The following GPC5 variants were observed in gnomAD, a reference collection of about 807,000 sequenced individuals.
GPC5 encodes the protein glypican 5.
Under a neutral mutation model 53.9 loss-of-function variants are expected in GPC5, and 47 were observed. The ratio of observed to expected loss-of-function variants is 0.87; its 90% CI spans 0.69 to 1.11. The LOEUF is 1.11. GPC5 is among the 50% of genes most tolerant of loss of function. The pLI is 0.00. For synonymous variants in GPC5, 286 were observed against 263.3 expected, an observed-to-expected ratio of 1.09 and a Z score of -0.84; for missense variants, 748 against 713.1, an observed-to-expected ratio of 1.05 and a Z score of -0.56.
intron 7 of GPC5, among the ~76,000 whole-genome samples, chr13:92,372,913 A>G (rs2043662930): frequency 6.6e-6 from 1 of 152,208 alleles, no homozygotes; most frequent in African/African-American, 2.4e-5. Flanking sequence ...AAATAACTCC[A>G]TTATTACAAC....
At chr13:91,725,210 A>T (rs1460607204) in intron 3 of GPC5, 1 of 152,288 alleles carries the variant, frequency 6.6e-6, no homozygotes, top group Non-Finnish European at 1.5e-5. Flanking sequence ...CCTGGGAAGG[A>T]ACTGAAAACC....
At chr13:92,207,230 G>A (rs1225716068) in intron 7 of GPC5, among the ~76,000 whole-genome samples, 1 of 152,140 alleles carries the variant, frequency 6.6e-6, no homozygotes, top group Non-Finnish European at 1.5e-5. Context: ...AAAGCTGGTG[G>A]ATTGTCTTGA....
chr13:91,695,513 A>G (rs1210001778), intron 3 of GPC5, among the ~76,000 whole-genome samples: 2 of 152,074 alleles, frequency 1.3e-5, no homozygotes, highest in Non-Finnish European at 2.9e-5. Context: ...AGCTGGGACT[A>G]CAGGTGCCCA....
chr13:91,768,976 G>A (rs191967369), intron 5 of GPC5, among the ~76,000 whole-genome samples: 2 of 152,278 alleles, frequency 1.3e-5, no homozygotes, highest in Non-Finnish European at 2.9e-5. Flanking sequence ...TAGTGTATTA[G>A]TCATTGCTGT....
intron 5 of GPC5, among the ~76,000 whole-genome samples, chr13:91,876,771 C>G (rs2138941592): frequency 6.6e-6 from 1 of 152,294 alleles, no homozygotes; most frequent in Admixed American, 6.5e-5. Context: ...AGCAAGGAGC[C>G]TAATGTTAAT....
At chr13:92,820,300 T>C (rs1026572772) in intron 7 of GPC5, among the ~76,000 whole-genome samples, 2 of 152,174 alleles carry the variant, frequency 1.3e-5, no homozygotes, top group African/African-American at 2.4e-5. Flanking sequence ...CTCCTTCAAC[T>C]TCACATTTAA....
intron 7 of GPC5, among the ~76,000 whole-genome samples, chr13:92,711,448 A>G (rs774456928): frequency 3.3e-5 from 5 of 152,080 alleles, no homozygotes; most frequent in Non-Finnish European, 5.9e-5. Flanking sequence ...CCCACTGTAA[A>G]CTTTTATTTT....
intron 7 of GPC5, among the ~76,000 whole-genome samples, chr13:92,326,184 G>A (rs935316258): frequency 3.3e-5 from 5 of 151,982 alleles, no homozygotes; most frequent in African/African-American, 1.2e-4. Context: ...AAAAGAAAAT[G>A]AAAACAAAAG....
intron 7 of GPC5, among the ~76,000 whole-genome samples, chr13:92,288,595 A>G: frequency 6.6e-6 from 1 of 152,154 alleles, no homozygotes; most frequent in East Asian, 1.9e-4. Context: ...ACTCCCCTGG[A>G]CAATACCAGT....
chr13:92,274,801 A>G (rs138897118), intron 7 of GPC5, among the ~76,000 whole-genome samples: 1 of 152,160 alleles, frequency 6.6e-6, no homozygotes, highest in Non-Finnish European at 1.5e-5. Context: ...TTACAATCTT[A>G]TGCAGTATAA....
chr13:92,359,910 A>G (rs2043552296), intron 7 of GPC5, among the ~76,000 whole-genome samples: 1 of 151,258 alleles, frequency 6.6e-6, no homozygotes. Flanking sequence ...AAACCATATC[A>G]CTCAGTTTTT....
chr13:92,832,891 C>A (rs889253420), intron 7 of GPC5, among the ~76,000 whole-genome samples: 1 of 152,012 alleles, frequency 6.6e-6, no homozygotes, highest in Non-Finnish European at 1.5e-5. Context: ...GCCTATAATC[C>A]CAGCTACTTG....
intron 2 of GPC5, among the ~76,000 whole-genome samples, chr13:91,624,606 TA>T (rs1451784010): frequency 1.3e-5 from 2 of 152,020 alleles, no homozygotes; most frequent in Non-Finnish European, 2.9e-5. Context: ...TATATATCTA[TA>T]AAAATTAATC....
At chr13:92,218,167 A>G (rs2042424633) in intron 7 of GPC5, among the ~76,000 whole-genome samples, 1 of 151,868 alleles carries the variant, frequency 6.6e-6, no homozygotes, top group Non-Finnish European at 1.5e-5. Flanking sequence ...GCCTCAAGCA[A>G]TCCTCTCCCC....
intron 5 of GPC5, among the ~76,000 whole-genome samples, chr13:91,800,011 T>C (rs1359475002): frequency 6.6e-6 from 1 of 151,906 alleles, no homozygotes; most frequent in South Asian, 2.1e-4. Context: ...TCAACCCTAG[T>C]TTTTTTTCTT....
chr13:91,935,186 CT>C (rs1184544834), intron 6 of GPC5, among the ~76,000 whole-genome samples: 1 of 151,934 alleles, frequency 6.6e-6, no homozygotes, highest in Non-Finnish European at 1.5e-5. Flanking sequence ...TGGATATACT[CT>C]TATGGATAAG....
At chr13:91,716,227 C>T (rs892021326) in intron 3 of GPC5, among the ~76,000 whole-genome samples, 11 of 152,026 alleles carry the variant, frequency 7.2e-5, no homozygotes, top group African/African-American at 2.7e-4. Context: ...TTGTATATGC[C>T]TCCTTGTTCT....
chr13:92,404,221 C>T (rs984484662), intron 7 of GPC5, among the ~76,000 whole-genome samples: 16 of 151,904 alleles, frequency 1.1e-4, no homozygotes, highest in Non-Finnish European at 2.9e-5. Context: ...TATTTTTTGC[C>T]TTTTGATTTT....
At chr13:92,772,856 A>G (rs11839635) in intron 7 of GPC5, among the ~76,000 whole-genome samples, 5 of 152,224 alleles carry the variant, frequency 3.3e-5, no homozygotes, top group African/African-American at 9.6e-5. Context: ...TCTGCCAAAT[A>G]GAGTTCAGAT....
Sources: gnomAD v4.1 joint callset for allele counts (sites outside exome capture counted in the v4.1 genomes callset) on GRCh38, gnomAD v4.1.1 for gene constraint, MANE v1.5 for transcripts, NCBI Gene and HGNC (gene_info 2026-07-23, HGNC 2026-07-21) for gene names.